GRM8: variants seen among roughly 807,000 people sequenced by gnomAD.
GRM8 encodes metabotropic glutamate receptor 8.
A neutral mutation model predicts 87.2 loss-of-function variants in GRM8; 47 were observed. The ratio of observed to expected loss-of-function variants is 0.54; its 90% CI spans 0.43 to 0.69. The LOEUF (loss-of-function observed/expected upper bound fraction) is 0.69. Among genes scored for constraint, GRM8 ranks in the 30% least tolerant of loss-of-function variants. The pLI is 0.00. For synonymous variants in GRM8, 396 were observed against 404.5 expected, an observed-to-expected ratio of 0.98 and a Z score of 0.25; for missense variants, 1,019 against 1,139.2, an observed-to-expected ratio of 0.89 and a Z score of 1.52.
chr7:126,931,404 T>C (rs1330055134), intron 3 of GRM8, among the ~76,000 whole-genome samples: 1 of 152,212 alleles, frequency 6.6e-6, no homozygotes, highest in African/African-American at 2.4e-5. Flanking sequence ...TTAGTATAAA[T>C]TATTCTTTAT....
intron 7 of GRM8, among the ~76,000 whole-genome samples, chr7:126,614,438 T>A (rs12533486): frequency 1 from 152,266 of 152,266 alleles, 76,133 homozygotes; most frequent in Non-Finnish European, 1. Context: ...AAAACAGAGC[T>A]GAAAAGCTGA....
intron 3 of GRM8, among the ~76,000 whole-genome samples, chr7:127,049,699 C>T (rs1408787965): frequency 1.3e-5 from 2 of 152,102 alleles, no homozygotes; most frequent in South Asian, 2.1e-4. Flanking sequence ...AGATGTAGAG[C>T]TGTTCTTAAC....
intron 7 of GRM8, among the ~76,000 whole-genome samples, chr7:126,748,500 G>A (rs1285886207): frequency 6.6e-6 from 1 of 151,690 alleles, no homozygotes; most frequent in Non-Finnish European, 1.5e-5. Context: ...TCTAAATAGT[G>A]GAAAGATAAT....
Position 126,472,339 on chromosome 7 carries a change from T to C in GRM8, c.2431-25967A>G, listed in dbSNP as rs187879365. On this transcript the variant is annotated intron_variant, in intron 9 of 10. Transcript: ENST00000339582. The stretch of plus-strand genomic sequence containing the variant: ...GCTGTGGGTTTGTCATAGATAGCTC[T>C]TATTATTTTGAAATACCTCCCATCA... Among the ~76,000 whole-genome samples, 18 of 152,276 alleles carry C rather than the reference T, an allele frequency of 1.2e-4. No homozygotes were observed. The East Asian group carries it at 3.5e-3, about 30-fold the overall frequency.
intron 3 of GRM8, among the ~76,000 whole-genome samples, chr7:127,060,489 GA>G (rs968030910): frequency 3.9e-5 from 6 of 152,086 alleles, no homozygotes; most frequent in Non-Finnish European, 7.4e-5. Context: ...ATTTTATCAT[GA>G]ATAGGATAGT....
At chr7:127,125,929 T>C (rs892460496) in intron 2 of GRM8, among the ~76,000 whole-genome samples, 5 of 151,874 alleles carry the variant, frequency 3.3e-5, no homozygotes. Context: ...CAATAAGATA[T>C]CATCTTACAC....
intron 6 of GRM8, among the ~76,000 whole-genome samples, chr7:126,842,362 A>G (rs1796356002): frequency 6.6e-6 from 1 of 152,206 alleles, no homozygotes; most frequent in African/African-American, 2.4e-5. Flanking sequence ...ACTGCTGAAG[A>G]GAAGAGGAAC....
At chr7:127,164,807 CTCT>C (rs1404593767) in intron 2 of GRM8, among the ~76,000 whole-genome samples, 1 of 152,002 alleles carries the variant, frequency 6.6e-6, no homozygotes, top group African/African-American at 2.4e-5. Context: ...CCAAAAGGAA[CTCT>C]TCTTAGAAAT....
chr7:126,858,745 T>C (rs1797897414), intron 6 of GRM8, among the ~76,000 whole-genome samples: 1 of 152,210 alleles, frequency 6.6e-6, no homozygotes, highest in African/African-American at 2.4e-5. Context: ...TTCTGCTTTT[T>C]TCCAGTCCTG....
chr7:126,883,403 C>T lies in GRM8; in HGVS notation c.1156+19139G>A, dbSNP rs2131011646. Among the ~76,000 whole-genome samples, 3 of 152,186 alleles carry T rather than the reference C, an allele frequency of 2.0e-5. No homozygotes were observed. The South Asian group carries it at 6.2e-4, about 32-fold the overall frequency. On this transcript the variant is annotated intron_variant, in intron 6 of 10. Coordinates refer to ENST00000339582, the MANE Select transcript of GRM8 (RefSeq NM_000845.3). ...AGTAAAGCAAATAATCAACAATTCA[C>T]AGGATTGAATTGTATGATAAGAAGA...
intron 7 of GRM8, among the ~76,000 whole-genome samples, chr7:126,731,431 C>A (rs1046915938): frequency 6.6e-6 from 1 of 152,016 alleles, no homozygotes; most frequent in Admixed American, 6.6e-5. Flanking sequence ...CTATATTTAT[C>A]TTTAATTTCT....
intron 3 of GRM8, among the ~76,000 whole-genome samples, chr7:126,939,480 G>A (rs1004615778): frequency 1.3e-5 from 2 of 152,188 alleles, no homozygotes; most frequent in African/African-American, 2.4e-5. Context: ...GGTATTAAAT[G>A]AGAAAATTCA....
At chr7:126,656,630 T>C (rs749830420) in intron 7 of GRM8, among the ~76,000 whole-genome samples, 1 of 152,000 alleles carries the variant, frequency 6.6e-6, no homozygotes, top group African/African-American at 2.4e-5. Flanking sequence ...ATTGTGCCAC[T>C]GCACTCTAGC....
At chr7:127,103,568 T>C (rs902654758) in intron 3 of GRM8, among the ~76,000 whole-genome samples, 9 of 152,194 alleles carry the variant, frequency 5.9e-5, no homozygotes, top group Non-Finnish European at 1.3e-4. Context: ...CAGGGATTTC[T>C]TTATAGCAAA....
At chr7:127,226,398 T>C (rs988034239) in intron 2 of GRM8, among the ~76,000 whole-genome samples, 1 of 152,216 alleles carries the variant, frequency 6.6e-6, no homozygotes, top group African/African-American at 2.4e-5. Context: ...GAAATCTACT[T>C]TTTATGTTTG....
chr7:126,787,087 G>T (rs1820699958), intron 6 of GRM8, among the ~76,000 whole-genome samples: 1 of 152,084 alleles, frequency 6.6e-6, no homozygotes, highest in Non-Finnish European at 1.5e-5. Flanking sequence ...CCTCTAAATA[G>T]CCATCCTTCT....
rs148741229 is a variant in GRM8 at position 126,493,348 on chromosome 7, C to T, written c.2430+39604G>A. Among the ~76,000 whole-genome samples, 240 of 152,012 alleles carry T rather than the reference C, an allele frequency of 1.6e-3. 4 individuals are homozygous for T. The South Asian group carries it at 0.026, about 17-fold the overall frequency. On this transcript the variant is annotated intron_variant, in intron 9 of 10. Coordinates refer to ENST00000339582, the MANE Select transcript of GRM8 (RefSeq NM_000845.3). ...GTGGTGAGAGAGGGCAGAGTTAGAG[C>T]GAAGAAGCAGAGCAGAGGACAGTGA...
chr7:126,573,621 A>G (rs910088555), intron 8 of GRM8, among the ~76,000 whole-genome samples: 5 of 151,426 alleles, frequency 3.3e-5, no homozygotes, highest in Non-Finnish European at 5.9e-5. Flanking sequence ...GTCTCACTCT[A>G]TCACTGAGAC....
intron 7 of GRM8, among the ~76,000 whole-genome samples, chr7:126,658,981 A>C (rs765790255): frequency 4.2e-4 from 64 of 152,112 alleles, no homozygotes; most frequent in Non-Finnish European, 8.1e-4. Context: ...ACAGATATAA[A>C]GACAAAGGCC....
Sources: allele counts gnomAD v4.1 joint callset (sites outside exome capture counted in the v4.1 genomes callset), GRCh38; gene constraint gnomAD v4.1.1; transcripts MANE v1.5; gene names NCBI Gene and HGNC (gene_info 2026-07-23, HGNC 2026-07-21).